Variants in AGBL4 observed in about 807,000 individuals in gnomAD.
AGBL4 encodes cytosolic carboxypeptidase 6.
Under a neutral mutation model 66.4 loss-of-function variants are expected in AGBL4, and 58 were observed. That is an observed-to-expected ratio of 0.87 (90% confidence interval 0.71 to 1.09). The LOEUF is 1.09. Ranked by LOEUF, AGBL4 falls within the 50% of genes least tolerant of loss-of-function variation. The probability of loss-of-function intolerance (pLI) is 0.00; values close to 1 mark genes in which losing one functional copy is unlikely to be tolerated. For missense variants in AGBL4, 579 were observed against 631.0 expected (o/e 0.92, Z 0.88); for synonymous variants, 234 against 222.9 (o/e 1.05, Z -0.44).
At chr1:49,964,746 C>A (rs987072691) in intron 1 of AGBL4, among the ~76,000 whole-genome samples, 1 of 151,758 alleles carries the variant, frequency 6.6e-6, no homozygotes, top group Non-Finnish European at 1.5e-5. Context: ...AACCTGATTT[C>A]AAAATTGATT....
intron 4 of AGBL4, among the ~76,000 whole-genome samples, chr1:49,158,224 C>T (rs191163310): frequency 6.6e-6 from 1 of 152,220 alleles, no homozygotes; most frequent in Admixed American, 6.5e-5. Flanking sequence ...ACCATAAAAA[C>T]CCTAGAAGAA....
At chr1:49,520,170 C>G (rs1461266220) in intron 3 of AGBL4, among the ~76,000 whole-genome samples, 2 of 152,000 alleles carry the variant, frequency 1.3e-5, no homozygotes, top group South Asian at 4.1e-4. Context: ...TGATTACCTG[C>G]TCATTGCTCC....
chr1:49,911,983 C>A (rs1042346950), intron 1 of AGBL4, among the ~76,000 whole-genome samples: 3 of 152,218 alleles, frequency 2.0e-5, no homozygotes, highest in Admixed American at 1.3e-4. Context: ...CCCTGACTGG[C>A]ATGCCAACTT....
intron 2 of AGBL4, among the ~76,000 whole-genome samples, chr1:49,819,361 T>A (rs1015289682): frequency 1.3e-5 from 2 of 152,216 alleles, no homozygotes; most frequent in African/African-American, 4.8e-5. Flanking sequence ...CTCTTTTTAT[T>A]TTATAGTATA....
chr1:49,781,437 C>A (rs1170458973), intron 2 of AGBL4, among the ~76,000 whole-genome samples: 1 of 151,830 alleles, frequency 6.6e-6, no homozygotes, highest in East Asian at 1.9e-4. Flanking sequence ...GGAAAATATA[C>A]CAATTATATA....
chr1:48,601,853 A>G lies in AGBL4; in HGVS notation c.952-10868T>C, dbSNP rs17104568. 3.8e-3 allele frequency among the ~76,000 whole-genome samples: 572 copies of G among 152,164 alleles called. 22 individuals are homozygous for G. The South Asian group carries it at 0.08, about 21-fold the overall frequency. On this transcript the variant is annotated intron_variant, in intron 9 of 13. Transcript: ENST00000371839. ...TCCTATGTGCTCAGTTCTGTATTGA[A>G]AGTGCACACAGATACAAGTAGAAAA... is the stretch of plus-strand genomic sequence containing the variant.
intron 3 of AGBL4, among the ~76,000 whole-genome samples, chr1:49,625,159 A>G (rs980966440): frequency 2.6e-5 from 4 of 152,176 alleles, no homozygotes; most frequent in Non-Finnish European, 4.4e-5. Flanking sequence ...GGCCTTTACC[A>G]TCTAAGCCAC....
At chr1:49,203,163 C>T (rs937432323) in intron 4 of AGBL4, among the ~76,000 whole-genome samples, 14 of 150,786 alleles carry the variant, frequency 9.3e-5, no homozygotes, top group African/African-American at 3.2e-4. Context: ...CTTTTGTGCA[C>T]TGTTGGTGGG....
At chr1:49,566,148 C>T (rs1441561298) in intron 3 of AGBL4, among the ~76,000 whole-genome samples, 2 of 152,160 alleles carry the variant, frequency 1.3e-5, no homozygotes, top group East Asian at 1.9e-4. Context: ...GTTTTCAGCT[C>T]CATCAGGTCC....
At chr1:49,839,511 C>T (rs1645935398) in intron 2 of AGBL4, among the ~76,000 whole-genome samples, 1 of 152,156 alleles carries the variant, frequency 6.6e-6, no homozygotes, top group Non-Finnish European at 1.5e-5. Flanking sequence ...TATCAGATCT[C>T]ATGTTAAAGA....
At chr1:48,537,481 C>G (rs1643992393) in intron 12 of AGBL4, among the ~76,000 whole-genome samples, 1 of 152,126 alleles carries the variant, frequency 6.6e-6, no homozygotes. Context: ...TCTCCCATCT[C>G]CACGAACTCT....
chr1:49,393,524 G>A (rs1054996644), intron 3 of AGBL4, among the ~76,000 whole-genome samples: 7 of 152,138 alleles, frequency 4.6e-5, no homozygotes, highest in Non-Finnish European at 1.0e-4. Flanking sequence ...GCCTCTAACA[G>A]AGCTCACACT....
intron 5 of AGBL4, among the ~76,000 whole-genome samples, chr1:48,897,506 T>G (rs1651636071): frequency 6.6e-6 from 1 of 152,204 alleles, no homozygotes; most frequent in Non-Finnish European, 1.5e-5. Context: ...GTAGTGGAAT[T>G]GCTAGATCAT....
downstream of AGBL4, among the ~76,000 whole-genome samples, chr1:48,529,104 C>T (rs1262832538): frequency 1.3e-5 from 2 of 151,980 alleles, no homozygotes; most frequent in Non-Finnish European, 1.5e-5. Flanking sequence ...ACAGACTCTG[C>T]TACGTAATCT....
Position 48,851,792 on chromosome 1 carries a change from T to C in AGBL4, c.634+15399A>G, listed in dbSNP as rs11205553. Among the ~76,000 whole-genome samples the C allele has an allele frequency of 1.9e-3, 294 of 152,260 alleles. 5 individuals are homozygous for C. Among genetic ancestry groups the C allele is most frequent in the African/African-American group, 6.5e-3 (271 of 41,572 alleles). ...TTTCTAGAGAGAAGTGCATCAGGCT[T>C]TTAAGATAATTATTCAGCAACCATC... On this transcript the variant is annotated intron_variant, in intron 6 of 13. Coordinates refer to ENST00000371839, the MANE Select transcript of AGBL4 (RefSeq NM_032785.4).
intron 2 of AGBL4, among the ~76,000 whole-genome samples, chr1:49,701,404 T>C (rs1647091287): frequency 6.6e-6 from 1 of 152,104 alleles, no homozygotes; most frequent in Admixed American, 6.6e-5. Context: ...AGAAGGAAAC[T>C]TTTGGAGGTA....
chr1:49,841,344 A>T (rs1355659190), intron 2 of AGBL4, among the ~76,000 whole-genome samples: 1 of 152,228 alleles, frequency 6.6e-6, no homozygotes, highest in Non-Finnish European at 1.5e-5. Context: ...GAAATCAGAG[A>T]TGACACAAAT....
chr1:48,806,499 T>C (rs1012524748), intron 6 of AGBL4, among the ~76,000 whole-genome samples: 2 of 152,218 alleles, frequency 1.3e-5, no homozygotes, highest in Admixed American at 1.3e-4. Context: ...TTGATCTTTG[T>C]TCTGCATTGT....
intron 4 of AGBL4, among the ~76,000 whole-genome samples, chr1:49,200,570 T>C (rs1647609538): frequency 6.6e-6 from 1 of 152,212 alleles, no homozygotes; most frequent in East Asian, 1.9e-4. Flanking sequence ...TGACTGGCTA[T>C]AAACCAAGGT....
Sources: gnomAD v4.1 joint callset for allele counts (sites outside exome capture counted in the v4.1 genomes callset) on GRCh38, gnomAD v4.1.1 for gene constraint, MANE v1.5 for transcripts, NCBI Gene and HGNC (gene_info 2026-07-23, HGNC 2026-07-21) for gene names.